TOGARAM2: variants seen among roughly 807,000 people sequenced by gnomAD.
TOGARAM2 encodes the protein TOG array regulator of axonemal microtubules protein 2.
A neutral mutation model predicts 93.3 loss-of-function variants in TOGARAM2; 85 were observed. The ratio of observed to expected loss-of-function variants is 0.91; its 90% CI spans 0.76 to 1.09. The LOEUF (loss-of-function observed/expected upper bound fraction) is 1.09. TOGARAM2 is among the 50% of genes least tolerant of loss of function. The pLI is 0.00. For synonymous variants in TOGARAM2, 593 were observed against 552.8 expected (o/e 1.07, Z -1.02); for missense variants, 1,277 against 1,334.5 (o/e 0.96, Z 0.67).
chr2:28,996,829 A>T lies in TOGARAM2; in HGVS notation c.29-1314A>T, dbSNP rs529934741. ...AAAAAAAAAAAAAAAAAAAAAGATA[A>T]TGACCTCCAGTTCCATCCATGTTGC... On this transcript the variant is annotated intron_variant, in intron 2 of 19. Transcript: ENST00000379558. Among the ~76,000 whole-genome samples the T allele has an allele frequency of 3.3e-5, 5 of 150,900 alleles. No individual in the cohort carries two copies. The South Asian group carries it at 1.1e-3, about 32-fold the overall frequency.
intron 1 of TOGARAM2, among the ~76,000 whole-genome samples, chr2:28,982,568 A>C (rs1672248775): frequency 6.6e-6 from 1 of 152,024 alleles, no homozygotes; most frequent in Admixed American, 6.5e-5. Flanking sequence ...GTTTCAGCCC[A>C]TGGAGCCTGA....
chr2:28,994,062 A>C (rs1672869809), intron 1 of TOGARAM2, among the ~76,000 whole-genome samples: 3 of 152,246 alleles, frequency 2.0e-5, no homozygotes. Context: ...GTGAAGCTGC[A>C]GAGTGTGCAG....
At chr2:29,043,903 A>G (rs1204183490) in intron 18 of TOGARAM2, among the ~76,000 whole-genome samples, 1 of 152,232 alleles carries the variant, frequency 6.6e-6, no homozygotes, top group Non-Finnish European at 1.5e-5. Flanking sequence ...GGAGAGGAAC[A>G]AGCAGCTTCT....
chr2:29,018,703 G>A (rs1664748552), intron 10 of TOGARAM2: 1 of 152,062 alleles, frequency 6.6e-6, no homozygotes, highest in Admixed American at 6.5e-5. Context: ...TAGAAAGTCT[G>A]AATTTGGTGC....
intron 1 of TOGARAM2, among the ~76,000 whole-genome samples, chr2:28,962,626 G>C (rs1461235315): frequency 6.6e-6 from 1 of 151,198 alleles, no homozygotes; most frequent in Non-Finnish European, 1.5e-5. Flanking sequence ...TCTGCTGGTG[G>C]AGATCTGCAT....
At chr2:28,963,687 GGTGAAGGTTTCTTA>G (rs916196495) in intron 1 of TOGARAM2, among the ~76,000 whole-genome samples, 1 of 152,174 alleles carries the variant, frequency 6.6e-6, no homozygotes, top group Admixed American at 6.6e-5. Context: ...GCACCTAGCT[GGTGAAGGTTTCTTA>G]TGTACTTGAA....
upstream of TOGARAM2, among the ~76,000 whole-genome samples, chr2:28,978,391 A>G (rs1487226504): frequency 6.6e-6 from 1 of 152,158 alleles, no homozygotes; most frequent in African/African-American, 2.4e-5. Context: ...CTATTTGGAT[A>G]TAGGATGCTC....
upstream of TOGARAM2, among the ~76,000 whole-genome samples, chr2:28,979,895 C>T (rs1316986009): frequency 6.6e-6 from 1 of 152,184 alleles, no homozygotes; most frequent in African/African-American, 2.4e-5. Flanking sequence ...TGCACACACA[C>T]CATCTCCCTG....
chr2:29,046,748 C>T (rs1666769374), intron 19 of TOGARAM2: 1 of 152,388 alleles, frequency 6.6e-6, no homozygotes, highest in Non-Finnish European at 1.5e-5. Flanking sequence ...TCCTGGGAGC[C>T]TGGCTGAAGG....
intron 1 of TOGARAM2, among the ~76,000 whole-genome samples, chr2:28,970,487 A>G (rs908484827): frequency 6.6e-6 from 1 of 152,230 alleles, no homozygotes; most frequent in African/African-American, 2.4e-5. Flanking sequence ...TAAATGAGCC[A>G]TTAGGATCCT....
At chr2:28,979,055 C>T (rs183009936), upstream of TOGARAM2, among the ~76,000 whole-genome samples, 24 of 152,312 alleles carry the variant, frequency 1.6e-4, no homozygotes, top group East Asian at 3.9e-4. Context: ...CCCTTTCTTT[C>T]TGAGGTCTCT....
intron 1 of TOGARAM2, among the ~76,000 whole-genome samples, chr2:28,959,556 A>G (rs1671772867): frequency 6.6e-6 from 1 of 152,186 alleles, no homozygotes; most frequent in South Asian, 2.1e-4. Context: ...AATCATGACC[A>G]TCCTGGCTAA....
At chr2:29,021,117 T>A (rs1196915582) in intron 10 of TOGARAM2, among the ~76,000 whole-genome samples, 1 of 152,196 alleles carries the variant, frequency 6.6e-6, no homozygotes, top group Non-Finnish European at 1.5e-5. Context: ...TTTCACCATG[T>A]TGGGCAGGCT....
At chr2:28,976,288 G>A (rs868015381) in intron 1 of TOGARAM2, among the ~76,000 whole-genome samples, 2 of 152,166 alleles carry the variant, frequency 1.3e-5, no homozygotes, top group Non-Finnish European at 2.9e-5. Context: ...GGAGAATGGC[G>A]TGAACCTGGA....
intron 8 of TOGARAM2, 46 bp downstream of exon 8, chr2:29,014,607 G>T (rs187753778): frequency 6.5e-7 from 1 of 1,540,770 alleles, no homozygotes; most frequent in Non-Finnish European, 8.8e-7. Flanking sequence ...GGAGTGGACC[G>T]CAGGCTGCAG....
rs1673414785 is a variant in TOGARAM2 at position 29,003,297 on chromosome 2, G to A, written c.640-195G>A. ...TTTTCTGAAATGAGAACAGAAAAAC[G>A]AATAATAATAGTCACAAAAGGGCTT... On this transcript the variant is annotated intron_variant, in intron 5 of 19. Coordinates refer to ENST00000379558, the MANE Select transcript of TOGARAM2 (RefSeq NM_199280.4). 2.6e-5 allele frequency among the ~76,000 whole-genome samples: 4 copies of A among 152,292 alleles called. No homozygotes were observed. The South Asian group carries it at 6.2e-4, about 24-fold the overall frequency.
At chr2:29,024,662 T>C (rs1323989684) in intron 13 of TOGARAM2, among the ~76,000 whole-genome samples, 1 of 152,074 alleles carries the variant, frequency 6.6e-6, no homozygotes, top group African/African-American at 2.4e-5. Flanking sequence ...CTCCCAACCT[T>C]TCATCGGCCA....
chr2:28,998,191 C>T lies in TOGARAM2; in HGVS notation c.77C>T (p.Thr26Ile). 6.2e-7 allele frequency: 1 copy of T among 1,612,226 alleles called. No individual in the cohort carries two copies. The highest frequency in any genetic ancestry group is 8.5e-7 in the Non-Finnish European group (1 of 1,179,262). The change falls in exon 3 of 20, where the codon ACC becomes ATC. Residue 26 changes from threonine (T) to isoleucine (I), a missense_variant. Transcript: ENST00000379558. The part of the protein sequence containing the change: ...VAVYCGSIPR[T>I]SAGPRVLPPG... ...GTGTACTGCGGGAGCATCCCTCGGA[C>T]CAGTGCTGGGCCCCGGGTGCTCCCG... is the stretch of plus-strand genomic sequence containing the variant.
At chr2:28,978,952 C>A (rs998345808), upstream of TOGARAM2, among the ~76,000 whole-genome samples, 1 of 152,110 alleles carries the variant, frequency 6.6e-6, no homozygotes, top group South Asian at 2.1e-4. Flanking sequence ...AATTTGGGGG[C>A]TTCTTTAAGA....
Sources: gnomAD v4.1 joint callset for allele counts (sites outside exome capture counted in the v4.1 genomes callset) on GRCh38, gnomAD v4.1.1 for gene constraint, MANE v1.5 for transcripts, NCBI Gene and HGNC (gene_info 2026-07-23, HGNC 2026-07-21) for gene names.